NUDT7: variants seen among roughly 807,000 people sequenced by gnomAD.
NUDT7 encodes the protein peroxisomal coenzyme A diphosphatase NUDT7.
Under a neutral mutation model 13.1 loss-of-function variants are expected in NUDT7, and 19 were observed. The observed-to-expected ratio is 1.45, with a 90% confidence interval of 1.01 to 2.13. NUDT7 has a LOEUF of 2.13. Ranked by LOEUF, NUDT7 falls within the 30% of genes most tolerant of loss-of-function variation. NUDT7 has a pLI of 0.00. For synonymous variants in NUDT7, 132 were observed against 109.7 expected (o/e 1.20, Z -1.27); for missense variants, 360 against 291.7 (o/e 1.23, Z -1.71).
At position 77,741,907 on chromosome 16, in the gene NUDT7, A is replaced by AGTT. The variant is rs986627610; in HGVS notation, c.675_677dup (p.Leu226dup). 41 of 1,611,130 alleles carry AGTT rather than the reference A, an allele frequency of 2.5e-5. No individual in the cohort carries two copies. The highest frequency in any genetic ancestry group is 3.1e-5 in the Non-Finnish European group (37 of 1,178,984). ...AATGATGTATTAGCATCCTCTGAAG[A>AGTT]GTTATTCCTGAAGGTTCATAAAAAA... On this transcript the variant is annotated inframe_insertion, in exon 4 of 4. Transcript: ENST00000268533.
In NUDT7 at chr16:77,741,625, A is replaced by G. The variant is rs1465479509; in HGVS notation, c.392A>G (p.Asn131Ser). The change falls in exon 4 of 4, where the codon AAC becomes AGC. Residue 131 changes from asparagine (N) to serine (S), a missense_variant. Coordinates refer to ENST00000268533, the MANE Select transcript of NUDT7 (RefSeq NM_001105663.3). ...ITPFVGLIDH[N>S]FQAQPNPAEV... ...CCATTTGTGGGTTTAATAGACCACA[A>G]CTTCCAGGCCCAGCCGAATCCTGCT... The G allele has an allele frequency of 1.9e-6, 3 of 1,613,438 alleles. No individual in the cohort carries two copies. The highest frequency in any genetic ancestry group is 2.2e-5 in the South Asian group (2 of 91,000).
At chr16:77,734,487 C>G (rs8059535) in intron 2 of NUDT7, among the ~76,000 whole-genome samples, 15,372 of 151,992 alleles carry the variant, frequency 0.1, 863 homozygotes, top group African/African-American at 0.16. Context: ...GCCGGGCATG[C>G]TGGTGGGCAC....
Position 77,741,976 on chromosome 16 carries a change from T to A in NUDT7, c.*26T>A. Reference sequence around the variant, plus strand: ...TTTACTAGAGCAAGAGACAAAGAACTATTCACGAGGATTCTGTGTGTGCTT... The same window carrying A: ...TTTACTAGAGCAAGAGACAAAGAACAATTCACGAGGATTCTGTGTGTGCTT... On this transcript the variant is annotated 3_prime_UTR_variant, in exon 4 of 4. Coordinates refer to ENST00000268533, the MANE Select transcript of NUDT7 (RefSeq NM_001105663.3). 6.5e-7 allele frequency: 1 copy of A among 1,544,714 alleles called. No individual in the cohort carries two copies. Among genetic ancestry groups the A allele is most frequent in the Non-Finnish European group, 8.7e-7 (1 of 1,151,090 alleles).
rs760887327 is a variant in NUDT7 at position 77,725,639 on chromosome 16, C to T, written c.189+55C>T. 1.5e-5 allele frequency: 23 copies of T among 1,547,738 alleles called. No homozygotes were observed. In the South Asian group the frequency reaches 2.1e-4, roughly 14 times the overall value. On this transcript the variant is annotated intron_variant, in intron 2 of 3. Transcript: ENST00000268533. The stretch of plus-strand genomic sequence containing the variant: ...AACCTCAGGACATCAGAAGACCTCA[C>T]GAGATTTTGTCACTTGCACACACTT...
chr16:77,735,341 G>C (rs779535110), intron 2 of NUDT7: 1 of 463,344 alleles, frequency 2.2e-6, no homozygotes, highest in Non-Finnish European at 3.9e-6. Context: ...ACGAGATAAG[G>C]TTGTTTAAAA....
rs1211600216 is a variant in NUDT7 at position 77,742,150 on chromosome 16, A to G, written c.*200A>G. On this transcript the variant is annotated 3_prime_UTR_variant, in exon 4 of 4. Coordinates refer to ENST00000268533, the MANE Select transcript of NUDT7 (RefSeq NM_001105663.3). ...CCATTCAAAAATGAAAACTATGTTC[A>G]TAGTGTTGCATATTTTCACCCACAA... 4 of 1,262,626 alleles carry G rather than the reference A, an allele frequency of 3.2e-6. No homozygotes were observed. Among genetic ancestry groups the G allele is most frequent in the South Asian group, 4.5e-5 (2 of 44,022 alleles). 78.2% of individuals were successfully genotyped at this position (1,262,626 alleles called of 1,614,324 possible).
chr16:77,725,366 G>A (rs2014097012), intron 1 of NUDT7, 65 bp from the exon 2 acceptor site: 43 of 1,429,070 alleles, frequency 3.0e-5, no homozygotes, highest in Non-Finnish European at 4.1e-5. Flanking sequence ...AACAGAGGCA[G>A]GACTATAAGC....
At chr16:77,733,777 A>G (rs942612304) in intron 2 of NUDT7, among the ~76,000 whole-genome samples, 1 of 152,210 alleles carries the variant, frequency 6.6e-6, no homozygotes, top group Non-Finnish European at 1.5e-5. Context: ...AGTTGGAAAG[A>G]GGCAGACCCA....
intron 2 of NUDT7, 128 bp downstream of exon 2, chr16:77,725,712 C>G (rs1174131421): frequency 2.8e-6 from 2 of 723,568 alleles, no homozygotes; most frequent in African/African-American, 3.5e-5. Flanking sequence ...ATGTCAGAGG[C>G]ATACAACCAC....
rs572027427 is a variant in NUDT7, at chr16:77,741,780, G to C, written c.547G>C (p.Gly183Arg). Residue 183 changes from glycine (G) to arginine (R), a missense_variant, in exon 4 of 4, where the codon GGT (glycine) becomes CGT (arginine). Transcript: ENST00000268533. ...CTTTGAGTACACAAACCCTGAAGACGGTGTCACTTACCAGATCAAGGGAAT... is the reference window on the plus strand; with the variant it reads ...CTTTGAGTACACAAACCCTGAAGACCGTGTCACTTACCAGATCAAGGGAAT... Reference protein sequence around the residue: ...HIFEYTNPEDGVTYQIKGMTA... With the variant: ...HIFEYTNPEDRVTYQIKGMTA... 6.2e-7 allele frequency: 1 copy of C among 1,613,942 alleles called. No homozygotes were observed. Among genetic ancestry groups the C allele is most frequent in the African/African-American group, 1.3e-5 (1 of 74,876 alleles).
At chr16:77,726,271 T>C (rs2145104030) in intron 2 of NUDT7, among the ~76,000 whole-genome samples, 1 of 152,320 alleles carries the variant, frequency 6.6e-6, no homozygotes, top group South Asian at 2.1e-4. Flanking sequence ...AGTAACTGCT[T>C]CATACAGCTG....
At chr16:77,729,156 G>A (rs1280471266) in intron 2 of NUDT7, among the ~76,000 whole-genome samples, 3 of 152,180 alleles carry the variant, frequency 2.0e-5, no homozygotes, top group Non-Finnish European at 4.4e-5. Flanking sequence ...GCCCTTTGCA[G>A]TGCTAATAGT....
rs2014692412 is a variant in NUDT7 at position 77,742,243 on chromosome 16, G to T, written c.*293G>T. The stretch of plus-strand genomic sequence containing the variant: ...TGGCACATACTAGGCCCTTAATAAA[G>T]ATTTTTTGAATATATAACCATGTGG... On this transcript the variant is annotated 3_prime_UTR_variant, in exon 4 of 4. Coordinates refer to ENST00000268533, the MANE Select transcript of NUDT7 (RefSeq NM_001105663.3). 2.9e-5 allele frequency: 19 copies of T among 655,266 alleles called. 1 individual carries two copies. The South Asian group carries it at 8.5e-4, about 29-fold the overall frequency. The allele number at this position is 655,266 out of a possible 1,614,324, so 40.6% of individuals were successfully genotyped here. A position where few individuals can be genotyped will look rare whatever the true frequency, so the allele number is the denominator to read the frequency against.
chr16:77,723,867 C>T (rs1290051104), intron 1 of NUDT7, among the ~76,000 whole-genome samples: 1 of 152,172 alleles, frequency 6.6e-6, no homozygotes, highest in Non-Finnish European at 1.5e-5. Flanking sequence ...GCCGGGATTA[C>T]AGGCATGAGC....
chr16:77,735,695 A>T, intron 2 of NUDT7, 133 bp from the exon 3 acceptor site: 3 of 789,374 alleles, frequency 3.8e-6, no homozygotes, highest in Non-Finnish European at 6.3e-6. Flanking sequence ...TGTGGGCAAT[A>T]GGGGTCTTGA....
chr16:77,738,367 A>T (rs374158883), intron 3 of NUDT7, among the ~76,000 whole-genome samples: 1 of 152,212 alleles, frequency 6.6e-6, no homozygotes, highest in African/African-American at 2.4e-5. Context: ...GGAGATTTCT[A>T]AAATGGCGTG....
chr16:77,725,392 T>C, intron 1 of NUDT7, 39 bp from the exon 2 acceptor site: 2 of 1,582,780 alleles, frequency 1.3e-6, no homozygotes, highest in Non-Finnish European at 1.7e-6. Context: ...ACCATAACTC[T>C]GCTTGCTAAA....
intron 3 of NUDT7, among the ~76,000 whole-genome samples, chr16:77,737,208 C>A (rs563364153): frequency 6.6e-6 from 1 of 152,202 alleles, no homozygotes; most frequent in African/African-American, 2.4e-5. Flanking sequence ...AATGTCCTTT[C>A]TGTCCTGGAT....
chr16:77,728,905 C>G (rs973032443), intron 2 of NUDT7, among the ~76,000 whole-genome samples: 2 of 116,132 alleles, frequency 1.7e-5, no homozygotes, highest in South Asian at 2.7e-4. Flanking sequence ...TTCTCCCCCA[C>G]ACCCTTGACC....
Sources: allele counts gnomAD v4.1 joint callset (sites outside exome capture counted in the v4.1 genomes callset), GRCh38; gene constraint gnomAD v4.1.1; transcripts MANE v1.5; gene names NCBI Gene and HGNC (gene_info 2026-07-23, HGNC 2026-07-21).